PI4KA: variants seen among roughly 807,000 people sequenced by gnomAD.
PI4KA encodes the protein phosphatidylinositol 4-kinase alpha.
Under a neutral mutation model 271.4 loss-of-function variants are expected in PI4KA, and 122 were observed. That is an observed-to-expected ratio of 0.45 (90% CI 0.39 to 0.52). The LOEUF is 0.52. Among genes scored for constraint, PI4KA ranks in the 20% least tolerant of loss-of-function variants. The probability of loss-of-function intolerance (pLI) is 0.00; values close to 1 mark genes in which losing one functional copy is unlikely to be tolerated. For missense variants in PI4KA, 1,969 were observed against 2,769.1 expected, an observed-to-expected ratio of 0.71 and a Z score of 6.48; for synonymous variants, 1,041 against 1,078.8, an observed-to-expected ratio of 0.96 and a Z score of 0.69.
At chr22:20,786,401 G>C (rs1262345972) in intron 19 of PI4KA, among the ~76,000 whole-genome samples, 1 of 152,202 alleles carries the variant, frequency 6.6e-6, no homozygotes, top group Non-Finnish European at 1.5e-5. Context: ...CACTCCCGCT[G>C]ACACCAGAGA....
At chr22:20,834,807 A>T in intron 2 of PI4KA, 152 bp from the exon 3 acceptor site, 1 of 609,412 alleles carries the variant, frequency 1.6e-6, no homozygotes, top group Non-Finnish European at 2.9e-6. Context: ...GTAAATTCAC[A>T]TGGCATCACT....
At chr22:20,767,434 ACT>A (rs1036396861) in intron 19 of PI4KA, among the ~76,000 whole-genome samples, 1 of 149,676 alleles carries the variant, frequency 6.7e-6, no homozygotes, top group Non-Finnish European at 1.5e-5. Flanking sequence ...ACAGAGCAAG[ACT>A]CTGTCTCAAA....
intron 19 of PI4KA, among the ~76,000 whole-genome samples, chr22:20,776,234 G>C (rs1933261238): frequency 1.3e-5 from 2 of 152,172 alleles, no homozygotes; most frequent in Admixed American, 6.5e-5. Flanking sequence ...TGAGGTGGGA[G>C]GGTCTCTTGA....
chr22:20,727,562 A>G (rs963046168), intron 40 of PI4KA, 165 bp from the exon 41 acceptor site: 5 of 707,724 alleles, frequency 7.1e-6, no homozygotes, highest in Middle Eastern at 6.4e-4. Flanking sequence ...CGTAACTGCA[A>G]TTAGGGTGAA....
At position 20,747,542 on chromosome 22, in the gene PI4KA, T is replaced by A. The variant is rs766502569; in HGVS notation, c.3363+41A>T. The A allele has an allele frequency of 5.6e-6, 9 of 1,602,578 alleles. 1 individual carries two copies. In the South Asian group the frequency reaches 8.8e-5, roughly 16 times the overall value. On this transcript the variant is annotated intron_variant, in intron 29 of 54. Coordinates refer to ENST00000255882, the MANE Select transcript of PI4KA (RefSeq NM_058004.4). ...GCCTTCCCCTGCACTGTGGCTCCTATGGTCTAAGGGGTCACTGCTCTTCAG... is the reference window on the plus strand; with the variant it reads ...GCCTTCCCCTGCACTGTGGCTCCTAAGGTCTAAGGGGTCACTGCTCTTCAG...
intron 19 of PI4KA, among the ~76,000 whole-genome samples, chr22:20,780,867 A>T (rs1247008876): frequency 1.3e-5 from 2 of 152,074 alleles, no homozygotes; most frequent in Non-Finnish European, 1.5e-5. Flanking sequence ...GGCCAACCCT[A>T]GCAATCTGTT....
chr22:20,820,969 T>C (rs1370994421), intron 4 of PI4KA, among the ~76,000 whole-genome samples: 1 of 152,252 alleles, frequency 6.6e-6, no homozygotes, highest in East Asian at 1.9e-4. Flanking sequence ...TTCAACCGTA[T>C]TCTTCATGAT....
intron 19 of PI4KA, among the ~76,000 whole-genome samples, chr22:20,776,702 T>C (rs1200112969): frequency 2.6e-5 from 4 of 152,126 alleles, no homozygotes; most frequent in Admixed American, 6.5e-5. Context: ...GGTTCGAATC[T>C]AGCCACTGCC....
chr22:20,729,624 G>A lies in PI4KA; in HGVS notation c.4488+8C>T. Reference sequence around the variant, plus strand: ...GGCAGCAGGCACAGCTGCACCTGTGGGCCTTACCAGCAGGGACAGCAGCAG... The same window carrying A: ...GGCAGCAGGCACAGCTGCACCTGTGAGCCTTACCAGCAGGGACAGCAGCAG... On this transcript the variant is annotated splice_region_variant and intron_variant, in intron 38 of 54. Coordinates refer to ENST00000255882, the MANE Select transcript of PI4KA (RefSeq NM_058004.4). 6.4e-7 allele frequency: 1 copy of A among 1,563,688 alleles called. No homozygotes were observed. Among genetic ancestry groups the A allele is most frequent in the Non-Finnish European group, 8.7e-7 (1 of 1,152,980 alleles).
chr22:20,711,821 T>G (rs1601307781), intron 50 of PI4KA, among the ~76,000 whole-genome samples: 1 of 150,586 alleles, frequency 6.6e-6, no homozygotes, highest in African/African-American at 2.4e-5. Flanking sequence ...CTTGGCTCAC[T>G]GCAACCTCTG....
chr22:20,766,245 C>T (rs1183027907), intron 19 of PI4KA, among the ~76,000 whole-genome samples: 7 of 152,064 alleles, frequency 4.6e-5, no homozygotes, highest in Non-Finnish European at 8.8e-5. Context: ...CAGTAATCTT[C>T]GGCAGAATCC....
At chr22:20,783,105 G>A (rs1486428038) in intron 19 of PI4KA, among the ~76,000 whole-genome samples, 3 of 152,174 alleles carry the variant, frequency 2.0e-5, no homozygotes, top group Middle Eastern at 3.2e-3. Flanking sequence ...AAGAATGCCC[G>A]GCACATGGCC....
At chr22:20,731,123 G>A (rs1010919202) in intron 36 of PI4KA, among the ~76,000 whole-genome samples, 6 of 152,118 alleles carry the variant, frequency 3.9e-5, no homozygotes, top group African/African-American at 1.4e-4. Flanking sequence ...AGGCTGCAGT[G>A]AGCTATGATT....
rs1458785406 is a variant in PI4KA, at chr22:20,729,686, G to A, written c.4434C>T (p.Gly1478=). ...KSGMSKKTNR[G]SQLHKYYMKR... ...TCATGTAGTATTTGTGCAGCTGGGA[G>A]CCCCGGTTGGTTTTCTTAGACATGC... Residue 1478 remains glycine (G), a synonymous_variant, in exon 38 of 55, where the codon GGC becomes GGT. Coordinates refer to ENST00000255882, the MANE Select transcript of PI4KA (RefSeq NM_058004.4). 2 of 1,590,354 alleles carry A rather than the reference G, an allele frequency of 1.3e-6. No individual in the cohort carries two copies. The highest frequency in any genetic ancestry group is 4.5e-5 in the East Asian group (2 of 44,360).
intron 3 of PI4KA, among the ~76,000 whole-genome samples, chr22:20,831,082 G>A (rs1283249000): frequency 6.6e-6 from 1 of 152,046 alleles, no homozygotes; most frequent in Admixed American, 6.6e-5. Flanking sequence ...CCTTAGGTGT[G>A]TTTCTGTAGT....
intron 9 of PI4KA, among the ~76,000 whole-genome samples, chr22:20,809,247 T>C (rs1402934326): frequency 2.0e-5 from 3 of 152,160 alleles, no homozygotes. Context: ...ACGAGCTATG[T>C]AAATAAAGTT....
At chr22:20,784,188 T>A in intron 19 of PI4KA, 1 of 1,614,158 alleles carries the variant, frequency 6.2e-7, no homozygotes, top group Non-Finnish European at 8.5e-7. Flanking sequence ...ATGAAGACCC[T>A]CGAAGCGCAA....
Position 20,802,001 on chromosome 22 carries a change from G to A in PI4KA, c.1696C>T (p.Arg566Ter), listed in dbSNP as rs764443420. 6.8e-6 allele frequency: 11 copies of A among 1,613,942 alleles called. No individual in the cohort carries two copies. The highest frequency in any genetic ancestry group is 1.6e-4 in the Middle Eastern group (1 of 6,084). The change falls in exon 14 of 55, where the codon CGA (arginine) becomes TGA (stop). Residue 566 changes from arginine (R) to a stop codon, truncating the protein, a stop_gained. Transcript: ENST00000255882. LOFTEE classifies it high-confidence loss of function. ...KSQPSMYEQL[R>*]DIAIDNICRC... ...CAGATGTTGTCAATAGCGATGTCTC[G>A]GAGCTGCTCGTACATGGAGGGCTGG...
chr22:20,835,218 G>A (rs1467302037), intron 2 of PI4KA, among the ~76,000 whole-genome samples: 1 of 151,890 alleles, frequency 6.6e-6, no homozygotes, highest in Non-Finnish European at 1.5e-5. Context: ...TTAGCCCAGT[G>A]AAAAATTTTA....
Sources: allele counts gnomAD v4.1 joint callset (sites outside exome capture counted in the v4.1 genomes callset), GRCh38; gene constraint gnomAD v4.1.1; transcripts MANE v1.5; gene names NCBI Gene and HGNC (gene_info 2026-07-23, HGNC 2026-07-21).